Variants in KCNN2 observed in about 807,000 individuals in gnomAD.
KCNN2 encodes the protein potassium calcium-activated channel subfamily N member 2.
Under a neutral mutation model 55.5 loss-of-function variants are expected in KCNN2, and 24 were observed. The observed-to-expected ratio is 0.43, with a 90% CI of 0.31 to 0.61. The LOEUF is 0.61. KCNN2 is among the 20% of genes least tolerant of loss of function. KCNN2 has a pLI of 0.08. For synonymous variants in KCNN2, 431 were observed against 336.1 expected, an observed-to-expected ratio of 1.28 and a Z score of -3.09; for missense variants, 754 against 853.6, an observed-to-expected ratio of 0.88 and a Z score of 1.45.
intron 2 of KCNN2, among the ~76,000 whole-genome samples, chr5:114,264,819 C>T (rs539605574): frequency 4.5e-4 from 69 of 152,270 alleles, no homozygotes; most frequent in African/African-American, 1.6e-3. Flanking sequence ...TGCTTTGCTC[C>T]GTAGGTTATA....
At chr5:114,247,525 T>G (rs1290680747) in intron 2 of KCNN2, among the ~76,000 whole-genome samples, 3 of 152,208 alleles carry the variant, frequency 2.0e-5, no homozygotes, top group Non-Finnish European at 4.4e-5. Flanking sequence ...TAAAGACTTT[T>G]TAAATGAAAG....
Position 114,190,568 on chromosome 5 carries a change from A to G in KCNN2, c.-270-30912A>G, listed in dbSNP as rs1370571023. On this transcript the variant is annotated intron_variant, in intron 1 of 10. Coordinates refer to the KCNN2 transcript ENST00000512097. ...TTTTAAAAGGGTAGGAATATGAAAG[A>G]ACATTTTAAACAATATATAGTATCT... Among the ~76,000 whole-genome samples the G allele has an allele frequency of 2.0e-5, 3 of 152,150 alleles. No homozygotes were observed. In the East Asian group the frequency reaches 5.8e-4, roughly 29 times the overall value.
chr5:114,429,034 G>A (rs961604057), intron 3 of KCNN2, among the ~76,000 whole-genome samples: 1 of 152,080 alleles, frequency 6.6e-6, no homozygotes, highest in Admixed American at 6.5e-5. Flanking sequence ...GACATTTCAT[G>A]TGTAGGTTTT....
At chr5:114,288,521 CACACACACAT>C in intron 2 of KCNN2, among the ~76,000 whole-genome samples, 1 of 151,308 alleles carries the variant, frequency 6.6e-6, no homozygotes, top group Admixed American at 6.6e-5. Context: ...CACACACACA[CACACACACAT>C]ACACATAGAT....
intron 3 of KCNN2, among the ~76,000 whole-genome samples, chr5:114,461,751 G>T (rs1318346668): frequency 6.6e-6 from 1 of 151,412 alleles, no homozygotes; most frequent in Non-Finnish European, 1.5e-5. Context: ...AAAGCATAGC[G>T]AATGCCATGG....
At chr5:114,065,452 T>A (rs962085918) in intron 1 of KCNN2, among the ~76,000 whole-genome samples, 2 of 152,238 alleles carry the variant, frequency 1.3e-5, no homozygotes, top group Non-Finnish European at 2.9e-5. Context: ...TGAATGATTT[T>A]TTTGTGTGCT....
At chr5:114,428,737 C>A (rs1321600664) in intron 3 of KCNN2, among the ~76,000 whole-genome samples, 1 of 152,002 alleles carries the variant, frequency 6.6e-6, no homozygotes, top group Non-Finnish European at 1.5e-5. Flanking sequence ...TCTATTCTGC[C>A]CCCATAATCC....
chr5:114,395,500 A>T (rs555707007), intron 2 of KCNN2, among the ~76,000 whole-genome samples: 1 of 152,188 alleles, frequency 6.6e-6, no homozygotes, highest in Non-Finnish European at 1.5e-5. Context: ...GAAAATGAAT[A>T]TAGAAGAACT....
intron 2 of KCNN2, among the ~76,000 whole-genome samples, chr5:114,307,428 C>A (rs1343430350): frequency 1.3e-5 from 2 of 152,118 alleles, no homozygotes; most frequent in Non-Finnish European, 2.9e-5. Context: ...GCCGGTCTGG[C>A]CTTCTTGCCT....
At chr5:114,124,426 A>T (rs1398540230) in intron 1 of KCNN2, among the ~76,000 whole-genome samples, 1 of 152,090 alleles carries the variant, frequency 6.6e-6, no homozygotes, top group Non-Finnish European at 1.5e-5. Flanking sequence ...GAACTTGGAG[A>T]ATCTTAATAA....
chr5:114,272,289 ATATG>A (rs746974920), intron 2 of KCNN2, among the ~76,000 whole-genome samples: 8 of 141,458 alleles, frequency 5.7e-5, no homozygotes, highest in Non-Finnish European at 1.2e-4. Context: ...ACACACACAT[ATATG>A]TATGTACATA....
At position 114,194,421 on chromosome 5, in the gene KCNN2, A is replaced by C. The variant is rs183860915; in HGVS notation, c.-270-27059A>C. ...TGGAGTGAAGTGGTAACTCATTGAAATTTTGATTTGCATTTCTCTGATGGC... is the reference window on the plus strand; with the variant it reads ...TGGAGTGAAGTGGTAACTCATTGAACTTTTGATTTGCATTTCTCTGATGGC... On this transcript the variant is annotated intron_variant, in intron 1 of 10. Coordinates refer to the KCNN2 transcript ENST00000512097. 2.0e-5 allele frequency among the ~76,000 whole-genome samples: 3 copies of C among 152,086 alleles called. No homozygotes were observed. The East Asian group carries it at 5.8e-4, about 29-fold the overall frequency.
intron 1 of KCNN2, among the ~76,000 whole-genome samples, chr5:114,158,161 A>G (rs1752681892): frequency 1.3e-5 from 2 of 152,126 alleles, no homozygotes; most frequent in South Asian, 4.1e-4. Context: ...TCTTTAATCC[A>G]TCTTGAATTA....
chr5:114,492,774 C>T (rs1242369989), intron 6 of KCNN2, among the ~76,000 whole-genome samples: 1 of 152,008 alleles, frequency 6.6e-6, no homozygotes, highest in African/African-American at 2.4e-5. Context: ...AGGAAATGGT[C>T]TGGCCTCCCT....
At chr5:114,100,886 T>A (rs573161685) in intron 1 of KCNN2, among the ~76,000 whole-genome samples, 15 of 152,054 alleles carry the variant, frequency 9.9e-5, no homozygotes, top group Non-Finnish European at 1.2e-4. Context: ...ATAAAACATT[T>A]AGTTAAGAAG....
chr5:114,294,636 G>T (rs1755968885), intron 2 of KCNN2, among the ~76,000 whole-genome samples: 1 of 152,162 alleles, frequency 6.6e-6, no homozygotes, highest in African/African-American at 2.4e-5. Flanking sequence ...TTTGGAATAG[G>T]TGTGGTGTGG....
chr5:114,240,399 A>C (rs1192182088), intron 2 of KCNN2, among the ~76,000 whole-genome samples: 3 of 147,872 alleles, frequency 2.0e-5, no homozygotes, highest in Non-Finnish European at 4.4e-5. Context: ...TATTTTAAAA[A>C]GAAAGCTCAA....
At chr5:114,452,624 C>A (rs1477698458) in intron 3 of KCNN2, among the ~76,000 whole-genome samples, 1 of 152,138 alleles carries the variant, frequency 6.6e-6, no homozygotes, top group African/African-American at 2.4e-5. Flanking sequence ...ATCTGGGGAG[C>A]TTTTAAAAAA....
At chr5:114,165,160 C>T (rs1260198770) in intron 1 of KCNN2, among the ~76,000 whole-genome samples, 1 of 152,144 alleles carries the variant, frequency 6.6e-6, no homozygotes, top group East Asian at 1.9e-4. Context: ...GTGAGGTCTA[C>T]TTACATGTGG....
Sources: allele counts gnomAD v4.1 joint callset (sites outside exome capture counted in the v4.1 genomes callset), GRCh38; gene constraint gnomAD v4.1.1; transcripts MANE v1.5; gene names NCBI Gene and HGNC (gene_info 2026-07-23, HGNC 2026-07-21).